CNBD1: variants seen among roughly 807,000 people sequenced by gnomAD.
CNBD1 encodes the protein cyclic nucleotide-binding domain-containing protein 1.
CNBD1 carries 71 observed loss-of-function variants against 54.4 expected under a neutral mutation model. The ratio of observed to expected loss-of-function variants is 1.30; its 90% CI spans 1.08 to 1.59. CNBD1 has a LOEUF of 1.59. Among genes scored for constraint, CNBD1 ranks in the 40% most tolerant of loss-of-function variants. The probability of loss-of-function intolerance (pLI) is 0.00; values close to 1 mark genes in which losing one functional copy is unlikely to be tolerated. For synonymous variants in CNBD1, 182 were observed against 170.7 expected (o/e 1.07, Z -0.51); for missense variants, 659 against 518.0 (o/e 1.27, Z -2.64).
intron 2 of CNBD1, among the ~76,000 whole-genome samples, chr8:86,902,432 A>C (rs1486997538): frequency 6.6e-6 from 1 of 152,268 alleles, no homozygotes; most frequent in East Asian, 1.9e-4. Flanking sequence ...ATACATGAGA[A>C]AAATGGTCTT....
At chr8:87,279,112 G>A (rs1016823765) in intron 6 of CNBD1, among the ~76,000 whole-genome samples, 4 of 150,980 alleles carry the variant, frequency 2.6e-5, no homozygotes, top group Non-Finnish European at 5.9e-5. Context: ...CATATGTAAA[G>A]AAAAAAACAC....
At position 87,068,134 on chromosome 8, in the gene CNBD1, A is replaced by G. The variant is rs542327256; in HGVS notation, c.431+128380A>G. 3.5e-4 allele frequency among the ~76,000 whole-genome samples: 53 copies of G among 151,984 alleles called. 1 individual carries two copies. Among genetic ancestry groups the G allele is most frequent in the Non-Finnish European group, 6.5e-4 (44 of 67,912 alleles). ...ATTGCAACTGTGATTTTGACCTCCA[A>G]TATAAAGCAAGCATGACTTACTGGG... is the stretch of plus-strand genomic sequence containing the variant. On this transcript the variant is annotated intron_variant, in intron 4 of 10. Transcript: ENST00000518476.
Position 87,185,321 on chromosome 8 carries a change from G to A in CNBD1, c.432-20672G>A, listed in dbSNP as rs1014952686. Among the ~76,000 whole-genome samples, 6 of 151,744 alleles carry A rather than the reference G, an allele frequency of 4.0e-5. No homozygotes were observed. In the East Asian group the frequency reaches 7.7e-4, roughly 20 times the overall value. On this transcript the variant is annotated intron_variant, in intron 4 of 10. Coordinates refer to ENST00000518476, the MANE Select transcript of CNBD1 (RefSeq NM_173538.3). ...TTGACTACACTTGCATATTTTTTCC[G>A]TTTCTCTCTGCAGTTTTATTAGTAT...
At chr8:87,178,372 G>T (rs1813242963) in intron 4 of CNBD1, among the ~76,000 whole-genome samples, 1 of 151,752 alleles carries the variant, frequency 6.6e-6, no homozygotes, top group South Asian at 2.1e-4. Context: ...GAGGAGAGGG[G>T]GCATGCAATG....
At chr8:86,960,114 CAGG>C (rs1199217185) in intron 4 of CNBD1, among the ~76,000 whole-genome samples, 1 of 152,088 alleles carries the variant, frequency 6.6e-6, no homozygotes, top group African/African-American at 2.4e-5. Context: ...ACTGAGGTAC[CAGG>C]TTCATCTCAC....
intron 4 of CNBD1, among the ~76,000 whole-genome samples, chr8:87,019,924 T>C (rs576341488): frequency 6.6e-6 from 1 of 152,220 alleles, no homozygotes; most frequent in East Asian, 1.9e-4. Flanking sequence ...TTAATGTTGG[T>C]CCTACAATTC....
At chr8:87,235,521 A>G (rs185437058) in intron 5 of CNBD1, among the ~76,000 whole-genome samples, 4 of 152,220 alleles carry the variant, frequency 2.6e-5, no homozygotes, top group African/African-American at 9.6e-5. Context: ...GGACAGGGAG[A>G]GAGATGGGGA....
chr8:87,019,770 C>A (rs1225959056), intron 4 of CNBD1, among the ~76,000 whole-genome samples: 1 of 151,978 alleles, frequency 6.6e-6, no homozygotes, highest in African/African-American at 2.4e-5. Flanking sequence ...CCCAGCTACT[C>A]GGGAAGCTGA....
At chr8:87,361,993 C>G (rs1488298655) in intron 10 of CNBD1, among the ~76,000 whole-genome samples, 2 of 152,034 alleles carry the variant, frequency 1.3e-5, no homozygotes, top group African/African-American at 4.8e-5. Context: ...TTTAATTCCA[C>G]TATCCTGGCT....
At chr8:87,247,018 T>C (rs1807820046) in intron 6 of CNBD1, among the ~76,000 whole-genome samples, 1 of 152,048 alleles carries the variant, frequency 6.6e-6, no homozygotes, top group African/African-American at 2.4e-5. Flanking sequence ...TACTCCATAA[T>C]CTCGTTTTGG....
At chr8:86,935,161 G>A (rs905323763) in intron 3 of CNBD1, among the ~76,000 whole-genome samples, 3 of 151,874 alleles carry the variant, frequency 2.0e-5, no homozygotes, top group East Asian at 1.9e-4. Context: ...TCAGTGTCCC[G>A]AGTAGCTGGG....
chr8:86,898,668 A>G (rs1325450093), intron 2 of CNBD1, among the ~76,000 whole-genome samples: 1 of 152,160 alleles, frequency 6.6e-6, no homozygotes, highest in African/African-American at 2.4e-5. Flanking sequence ...CACAAAATTA[A>G]CTCAAAATGG....
intron 9 of CNBD1, among the ~76,000 whole-genome samples, chr8:87,352,378 G>A (rs1038318791): frequency 8.6e-5 from 13 of 151,522 alleles, no homozygotes; most frequent in Non-Finnish European, 1.6e-4. Context: ...TACTCAGGAG[G>A]CTGAGGCAGA....
intron 8 of CNBD1, among the ~76,000 whole-genome samples, chr8:87,304,589 A>G (rs892380777): frequency 2.6e-5 from 4 of 152,166 alleles, no homozygotes; most frequent in Non-Finnish European, 5.9e-5. Context: ...ATACATATGT[A>G]ACAAACCTGC....
At chr8:87,009,954 C>A (rs2130558818) in intron 4 of CNBD1, among the ~76,000 whole-genome samples, 1 of 152,234 alleles carries the variant, frequency 6.6e-6, no homozygotes, top group East Asian at 1.9e-4. Flanking sequence ...GTTCCTCATC[C>A]TTCTTTTGTC....
At chr8:87,012,629 C>G (rs1809248982) in intron 4 of CNBD1, among the ~76,000 whole-genome samples, 1 of 152,086 alleles carries the variant, frequency 6.6e-6, no homozygotes, top group African/African-American at 2.4e-5. Flanking sequence ...AAACAATTTA[C>G]AACCTGCTGT....
intron 4 of CNBD1, among the ~76,000 whole-genome samples, chr8:86,968,504 C>T (rs1034621030): frequency 1.3e-5 from 2 of 152,208 alleles, no homozygotes; most frequent in Non-Finnish European, 2.9e-5. Flanking sequence ...TAAGGCAACT[C>T]TCAATCATTT....
At chr8:87,327,799 G>C (rs991237804) in intron 8 of CNBD1, among the ~76,000 whole-genome samples, 5 of 152,110 alleles carry the variant, frequency 3.3e-5, no homozygotes, top group African/African-American at 1.2e-4. Flanking sequence ...GACCGGAGCT[G>C]TTCCTATTCG....
intron 2 of CNBD1, among the ~76,000 whole-genome samples, chr8:87,389,169 C>G (rs973479956): frequency 1.3e-5 from 2 of 152,122 alleles, no homozygotes; most frequent in African/African-American, 4.8e-5. Flanking sequence ...AAACTGGAAG[C>G]ATTCCCTTTG....
Sources: gnomAD v4.1 joint callset for allele counts (sites outside exome capture counted in the v4.1 genomes callset) on GRCh38, gnomAD v4.1.1 for gene constraint, MANE v1.5 for transcripts, NCBI Gene and HGNC (gene_info 2026-07-23, HGNC 2026-07-21) for gene names.